RPGRIP1L: variants seen among roughly 807,000 people sequenced by gnomAD.
RPGRIP1L encodes the protein RPGRIP1 like.
RPGRIP1L carries 131 observed loss-of-function variants against 160.4 expected under a neutral mutation model. The ratio of observed to expected loss-of-function variants is 0.82; its 90% CI spans 0.71 to 0.94. RPGRIP1L has a LOEUF of 0.94. Among genes scored for constraint, RPGRIP1L ranks in the 40% least tolerant of loss-of-function variants. The pLI is 0.00. For synonymous variants in RPGRIP1L, 510 were observed against 515.8 expected, an observed-to-expected ratio of 0.99 and a Z score of 0.15; for missense variants, 1,522 against 1,535.8, an observed-to-expected ratio of 0.99 and a Z score of 0.15.
chr16:53,696,434 T>C (rs1970763866), intron 2 of RPGRIP1L, 139 bp from the exon 3 acceptor site: 4 of 813,690 alleles, frequency 4.9e-6, no homozygotes, highest in Non-Finnish European at 8.1e-6. Context: ...TTAGAAAATG[T>C]TGTACCATTG....
intron 24 of RPGRIP1L, among the ~76,000 whole-genome samples, chr16:53,611,826 T>C (rs913029327): frequency 3.9e-5 from 6 of 152,242 alleles, no homozygotes; most frequent in Admixed American, 2.0e-4. Context: ...CGGCAGACTT[T>C]CAGCCATGCA....
At chr16:53,696,374 G>T (rs1319651746) in intron 2 of RPGRIP1L, 79 bp from the exon 3 acceptor site, 2 of 1,437,756 alleles carry the variant, frequency 1.4e-6, no homozygotes, top group African/African-American at 1.4e-5. Flanking sequence ...TATAATCTCT[G>T]ATGCACTCAT....
At chr16:53,692,703 G>A (rs1021875085) in intron 3 of RPGRIP1L, among the ~76,000 whole-genome samples, 1 of 152,226 alleles carries the variant, frequency 6.6e-6, no homozygotes, top group Non-Finnish European at 1.5e-5. Flanking sequence ...TGTAGTTACA[G>A]ATTGTGGATG....
At chr16:53,666,470 T>C (rs2151206285) in intron 9 of RPGRIP1L, among the ~76,000 whole-genome samples, 2 of 152,208 alleles carry the variant, frequency 1.3e-5, no homozygotes, top group East Asian at 1.9e-4. Flanking sequence ...CCTTTTTATG[T>C]TTGTTTTTAA....
At chr16:53,647,813 C>T (rs927051590) in intron 16 of RPGRIP1L, among the ~76,000 whole-genome samples, 11 of 152,136 alleles carry the variant, frequency 7.2e-5, no homozygotes, top group Non-Finnish European at 1.0e-4. Context: ...TACTAAAATT[C>T]ATGTTATATA....
At position 53,671,577 on chromosome 16, in the gene RPGRIP1L, C is replaced by A; in HGVS notation, c.1036G>T (p.Asp346Tyr). The change falls in exon 9 of 27, where the codon GAT (aspartate) becomes TAT (tyrosine). Residue 346 changes from aspartate to tyrosine, a missense_variant. By Grantham distance (160) the Asp-to-Tyr change is radical (BLOSUM62 -3). Coordinates refer to ENST00000647211, the MANE Select transcript of RPGRIP1L (RefSeq NM_015272.5). ...TCCTTTTCTAAATCATTAATTCTAT[C>A]CTGCAGCTAAAATGAAAATAAAATT... ...FSERRIEELQDRINDLEKERE... is the reference protein window; with the variant it reads ...FSERRIEELQYRINDLEKERE... 1 of 1,514,576 alleles carries A rather than the reference C, an allele frequency of 6.6e-7. No homozygotes were observed. The highest frequency in any genetic ancestry group is 1.2e-5 in the South Asian group (1 of 86,552). The allele number at this position is 1,514,576 out of a possible 1,614,324, so 93.8% of individuals were successfully genotyped here.
chr16:53,611,798 G>T (rs1204480077), intron 24 of RPGRIP1L, among the ~76,000 whole-genome samples: 3 of 152,186 alleles, frequency 2.0e-5, no homozygotes, highest in Non-Finnish European at 4.4e-5. Flanking sequence ...TTTTCATCCT[G>T]ATTATTTGTT....
chr16:53,615,627 C>T (rs1357035639), intron 24 of RPGRIP1L, among the ~76,000 whole-genome samples: 1 of 151,856 alleles, frequency 6.6e-6, no homozygotes, highest in Non-Finnish European at 1.5e-5. Flanking sequence ...GCGCCTGCCA[C>T]CATGCCCATC....
intron 3 of RPGRIP1L, chr16:53,695,284 C>T: frequency 2.9e-6 from 2 of 690,706 alleles, no homozygotes; most frequent in Middle Eastern, 4.7e-4. Flanking sequence ...ATCTTGAAAA[C>T]AGCCATCATC....
Position 53,648,963 on chromosome 16 carries a change from C to A in RPGRIP1L, c.2304+1G>T, listed in dbSNP as rs746451396. 1.2e-6 allele frequency: 2 copies of A among 1,613,570 alleles called. No individual in the cohort carries two copies. Among genetic ancestry groups the A allele is most frequent in the Non-Finnish European group, 1.7e-6 (2 of 1,179,514 alleles). On this transcript the variant is annotated splice_donor_variant, in intron 16 of 26. Coordinates refer to ENST00000647211, the MANE Select transcript of RPGRIP1L (RefSeq NM_015272.5). LOFTEE classifies it high-confidence loss of function. ...AGGGTCTTAAAGCCAAATGAGCTTA[C>A]CGACTGCATATGCTCTGGCCCCTTA...
At position 53,639,724 on chromosome 16, in the gene RPGRIP1L, A is replaced by G. The variant is rs895250381; in HGVS notation, c.2958+1309T>C. Among the ~76,000 whole-genome samples, 12 of 152,334 alleles carry G rather than the reference A, an allele frequency of 7.9e-5. No individual in the cohort carries two copies. In the East Asian group the frequency reaches 1.2e-3, roughly 15 times the overall value. On this transcript the variant is annotated intron_variant, in intron 19 of 26. Transcript: ENST00000647211. ...ATCTTTAAACGGGAATAATTCTAGTATCAACTACATAGGGTTGTTGTGAGG... is the reference window on the plus strand; with the variant it reads ...ATCTTTAAACGGGAATAATTCTAGTGTCAACTACATAGGGTTGTTGTGAGG...
At chr16:53,633,569 T>C (rs1054296518) in intron 22 of RPGRIP1L, among the ~76,000 whole-genome samples, 1 of 152,178 alleles carries the variant, frequency 6.6e-6, no homozygotes, top group Admixed American at 6.5e-5. Flanking sequence ...ATAAATGGTA[T>C]TACTAGGACA....
chr16:53,692,452 T>A (rs568740267), intron 3 of RPGRIP1L, 88 bp from the exon 4 acceptor site: 1 of 1,193,462 alleles, frequency 8.4e-7, no homozygotes, highest in East Asian at 2.3e-5. Context: ...CTGTGAAGAC[T>A]TCAGTGCAGA....
At chr16:53,615,465 TATA>T (rs1401714018) in intron 24 of RPGRIP1L, among the ~76,000 whole-genome samples, 12 of 68,086 alleles carry the variant, frequency 1.8e-4, no homozygotes, top group African/African-American at 5.0e-4. Context: ...TATATATATA[TATA>T]TATATTTTTT....
At chr16:53,662,096 G>C (rs887902848) in intron 10 of RPGRIP1L, among the ~76,000 whole-genome samples, 2 of 152,096 alleles carry the variant, frequency 1.3e-5, no homozygotes, top group Non-Finnish European at 1.5e-5. Context: ...ACAAAAAGCA[G>C]GTCAAGCTAA....
chr16:53,675,578 G>A lies in RPGRIP1L; in HGVS notation c.777-456C>T, dbSNP rs899471303. ...TTCATCTTTCTACAACTCTCTCGACGCAAATGGCATCATAAGATTACCATT... is the reference window on the plus strand; with the variant it reads ...TTCATCTTTCTACAACTCTCTCGACACAAATGGCATCATAAGATTACCATT... On this transcript the variant is annotated intron_variant, in intron 6 of 26. Transcript: ENST00000647211. Among the ~76,000 whole-genome samples the A allele has an allele frequency of 5.3e-5, 8 of 152,122 alleles. No homozygotes were observed. The South Asian group carries it at 1.0e-3, about 20-fold the overall frequency.
chr16:53,693,402 A>G (rs1270162347), intron 3 of RPGRIP1L: 3 of 152,220 alleles, frequency 2.0e-5, no homozygotes, highest in African/African-American at 7.2e-5. Flanking sequence ...AAAAACCTTT[A>G]ATAGCTTTGG....
intron 5 of RPGRIP1L, 141 bp downstream of exon 5, chr16:53,687,722 C>A: frequency 1.6e-6 from 1 of 641,576 alleles, no homozygotes; most frequent in South Asian, 1.7e-5. Flanking sequence ...TGTTATATAA[C>A]ATCTGTTGTT....
Position 53,658,426 on chromosome 16 carries a change from G to C in RPGRIP1L, c.1389C>G (p.Leu463=). 8 of 1,611,150 alleles carry C rather than the reference G, an allele frequency of 5.0e-6. No individual in the cohort carries two copies. Among genetic ancestry groups the C allele is most frequent in the Non-Finnish European group, 6.8e-6 (8 of 1,177,524 alleles). The change falls in exon 12 of 27, where the codon CTC becomes CTG. Residue 463 remains leucine, a synonymous_variant. Transcript: ENST00000647211. ...DINADELSEA[L]LLIKAQKEQK... Reference sequence around the variant, plus strand: ...TTCAGAACCTTACCTTTATAAGTAGGAGAGCTTCACTCAATTCATCAGCAT... The same window carrying C: ...TTCAGAACCTTACCTTTATAAGTAGCAGAGCTTCACTCAATTCATCAGCAT...
Sources: allele counts gnomAD v4.1 joint callset (sites outside exome capture counted in the v4.1 genomes callset), GRCh38; gene constraint gnomAD v4.1.1; transcripts MANE v1.5; gene names NCBI Gene and HGNC (gene_info 2026-07-23, HGNC 2026-07-21).